The following PCSK5 variants were observed in gnomAD, a reference collection of about 807,000 sequenced individuals.
The protein encoded by PCSK5 is proprotein convertase subtilisin/kexin type 5.
PCSK5 carries 129 observed loss-of-function variants against 233.2 expected under a neutral mutation model. The ratio of observed to expected loss-of-function variants is 0.55; its 90% confidence interval spans 0.48 to 0.64. PCSK5 has a LOEUF of 0.64. Among genes scored for constraint, PCSK5 ranks in the 30% least tolerant of loss-of-function variants. PCSK5 has a pLI of 0.00. For missense variants in PCSK5, 2,076 were observed against 2,430.1 expected (o/e 0.85, Z 3.06); for synonymous variants, 825 against 879.2 (o/e 0.94, Z 1.09).
intron 17 of PCSK5, among the ~76,000 whole-genome samples, chr9:76,187,208 A>G (rs1054643525): frequency 4.6e-5 from 7 of 152,288 alleles, no homozygotes; most frequent in African/African-American, 7.2e-5. Context: ...TAAGATGTCA[A>G]TTTGGAGCAG....
At chr9:76,107,894 G>A (rs1246523388) in intron 9 of PCSK5, among the ~76,000 whole-genome samples, 2 of 152,136 alleles carry the variant, frequency 1.3e-5, no homozygotes, top group Non-Finnish European at 2.9e-5. Flanking sequence ...AAATAAATAG[G>A]TCCTCATCTC....
intron 11 of PCSK5, among the ~76,000 whole-genome samples, chr9:76,158,206 T>TA (rs1046262022): frequency 5.3e-5 from 8 of 152,154 alleles, no homozygotes; most frequent in African/African-American, 1.9e-4. Context: ...GTTGGAAATT[T>TA]AAAAAATGTG....
chr9:76,258,716 A>G (rs896017065), intron 24 of PCSK5, among the ~76,000 whole-genome samples: 6 of 152,220 alleles, frequency 3.9e-5, no homozygotes, highest in Admixed American at 1.3e-4. Flanking sequence ...AAGTAAATTC[A>G]TCTTATGTGC....
intron 1 of PCSK5, among the ~76,000 whole-genome samples, chr9:75,920,747 A>G (rs1353843183): frequency 6.6e-6 from 1 of 152,152 alleles, no homozygotes; most frequent in Non-Finnish European, 1.5e-5. Flanking sequence ...CGGAGGTTGC[A>G]GAGAGCCGAG....
chr9:75,970,498 T>C (rs906241743), intron 2 of PCSK5, among the ~76,000 whole-genome samples: 3 of 152,210 alleles, frequency 2.0e-5, no homozygotes, highest in Non-Finnish European at 4.4e-5. Context: ...ACTAAATGAG[T>C]CTCAACCATT....
At chr9:76,192,900 A>G (rs1490352716) in intron 20 of PCSK5, among the ~76,000 whole-genome samples, 1 of 151,554 alleles carries the variant, frequency 6.6e-6, no homozygotes, top group African/African-American at 2.4e-5. Flanking sequence ...AAATGACTGT[A>G]TACTCTCTGC....
At chr9:76,082,234 A>G (rs947257963) in intron 7 of PCSK5, among the ~76,000 whole-genome samples, 5 of 152,214 alleles carry the variant, frequency 3.3e-5, no homozygotes, top group Non-Finnish European at 5.9e-5. Flanking sequence ...TACCATGGTG[A>G]GCCTTTGGCT....
At chr9:76,273,564 A>ATATATATATAT (rs1564148799) in intron 24 of PCSK5, among the ~76,000 whole-genome samples, 1 of 74,860 alleles carries the variant, frequency 1.3e-5, no homozygotes, top group African/African-American at 5.1e-5. Context: ...ACAAAATAGT[A>ATATATATATAT]ATATATATAT....
chr9:76,349,978 G>A (rs1183315508), intron 35 of PCSK5, among the ~76,000 whole-genome samples: 1 of 151,986 alleles, frequency 6.6e-6, no homozygotes. Context: ...ATATGTGGTG[G>A]AAAGAGCACC....
chr9:76,100,447 A>G (rs545499853), intron 8 of PCSK5, among the ~76,000 whole-genome samples: 1 of 152,366 alleles, frequency 6.6e-6, no homozygotes, highest in Admixed American at 6.5e-5. Context: ...GGGAAACCCT[A>G]TGCAGAAAGA....
chr9:76,298,220 T>G (rs1564165384), intron 27 of PCSK5, among the ~76,000 whole-genome samples: 1 of 152,080 alleles, frequency 6.6e-6, no homozygotes, highest in African/African-American at 2.4e-5. Context: ...TCCCTTCAAC[T>G]GGACTACGCA....
chr9:76,291,587 G>A (rs576305146), intron 24 of PCSK5, among the ~76,000 whole-genome samples: 11 of 152,256 alleles, frequency 7.2e-5, no homozygotes, highest in African/African-American at 2.4e-4. Flanking sequence ...GAGAGAAATA[G>A]GCTGAGATGA....
At chr9:76,168,182 C>T (rs1295492699) in intron 12 of PCSK5, among the ~76,000 whole-genome samples, 4 of 152,132 alleles carry the variant, frequency 2.6e-5, no homozygotes, top group African/African-American at 4.8e-5. Context: ...GACAGAGTCT[C>T]CCTCTGTCAT....
At chr9:75,955,201 G>A (rs900152543) in intron 2 of PCSK5, among the ~76,000 whole-genome samples, 11 of 152,090 alleles carry the variant, frequency 7.2e-5, no homozygotes, top group Admixed American at 4.6e-4. Flanking sequence ...GGAGAGGCCC[G>A]GTTACTTAGC....
At chr9:76,215,346 T>C (rs1260367806) in intron 20 of PCSK5, among the ~76,000 whole-genome samples, 1 of 152,202 alleles carries the variant, frequency 6.6e-6, no homozygotes, top group African/African-American at 2.4e-5. Context: ...TCACCAGCTC[T>C]GCCTGAGATG....
chr9:76,257,033 C>T (rs552479486), intron 24 of PCSK5, among the ~76,000 whole-genome samples: 16 of 152,300 alleles, frequency 1.1e-4, no homozygotes, highest in South Asian at 2.1e-4. Context: ...AATATCAAAA[C>T]AGAATTTAAT....
intron 2 of PCSK5, among the ~76,000 whole-genome samples, chr9:75,983,231 A>G (rs1443336769): frequency 1.3e-5 from 2 of 152,212 alleles, no homozygotes; most frequent in African/African-American, 2.4e-5. Context: ...AAGCAACAGC[A>G]TAATTTGTTT....
rs894423798 is a variant in PCSK5, at chr9:76,188,688, G to A, written c.2380+13G>A. The A allele has an allele frequency of 1.3e-6, 2 of 1,598,368 alleles. No homozygotes were observed. Among genetic ancestry groups the A allele is most frequent in the African/African-American group, 2.7e-5 (2 of 74,534 alleles). ...GCCACTTGTGCTGGTACCTTCCCTA[G>A]TTCTTTTGTTTATTCTCCCGGTTCT... On this transcript the variant is annotated intron_variant, in intron 18 of 37. Transcript: ENST00000674117.
intron 17 of PCSK5, 77 bp from the exon 18 acceptor site, chr9:76,188,501 A>G (rs1476467495): frequency 2.3e-6 from 2 of 876,460 alleles, no homozygotes; most frequent in African/African-American, 1.7e-5. Flanking sequence ...TATCTGTTAC[A>G]TATGGAGTTT....
Sources: allele counts gnomAD v4.1 joint callset (sites outside exome capture counted in the v4.1 genomes callset), GRCh38; gene constraint gnomAD v4.1.1; transcripts MANE v1.5; gene names NCBI Gene and HGNC (gene_info 2026-07-23, HGNC 2026-07-21).